The following RBFOX1 variants were observed in gnomAD, a reference collection of about 807,000 sequenced individuals.
RBFOX1 encodes RNA binding protein fox-1 homolog 1.
RBFOX1 carries 8 observed loss-of-function variants against 57.7 expected under a neutral mutation model. The ratio of observed to expected loss-of-function variants is 0.14; its 90% CI spans 0.08 to 0.25. The LOEUF (loss-of-function observed/expected upper bound fraction) is 0.25. RBFOX1 is among the 10% of genes least tolerant of loss of function. The pLI, the probability that RBFOX1 is intolerant of heterozygous loss-of-function variation, is 1.00. For missense variants in RBFOX1, 611 were observed against 548.5 expected (o/e 1.11, Z -1.14); for synonymous variants, 326 against 222.4 (o/e 1.47, Z -4.15).
chr16:5,860,473 AGTTT>A, intron 3 of RBFOX1, among the ~76,000 whole-genome samples: 1 of 152,322 alleles, frequency 6.6e-6, no homozygotes, highest in Non-Finnish European at 1.5e-5. Flanking sequence ...GAGTTGACTC[AGTTT>A]GTTTAAGAAC....
At chr16:7,166,972 C>CTTTTTTTTTTTGTTTTTTTTTTTTTTTTT (rs2079656368) in intron 4 of RBFOX1, among the ~76,000 whole-genome samples, 1 of 49,098 alleles carries the variant, frequency 2.0e-5, no homozygotes, top group Non-Finnish European at 3.4e-5. Flanking sequence ...CATTGGTGTT[C>CTTTTTTTTTTTGTTTTTTTTTTTTTTTTT]TTTTTTTTTT....
intron 4 of RBFOX1, among the ~76,000 whole-genome samples, chr16:5,968,215 T>G (rs894677429): frequency 6.6e-6 from 1 of 152,056 alleles, no homozygotes; most frequent in Admixed American, 6.5e-5. Context: ...GCTGGGATTA[T>G]GGGCATGTAC....
intron 4 of RBFOX1, among the ~76,000 whole-genome samples, chr16:7,325,250 G>A (rs2096596486): frequency 6.6e-6 from 1 of 152,194 alleles, no homozygotes; most frequent in African/African-American, 2.4e-5. Context: ...ACCACTCCAT[G>A]TGTTATGGCT....
intron 4 of RBFOX1, among the ~76,000 whole-genome samples, chr16:7,344,883 G>A (rs865883616): frequency 2.6e-5 from 4 of 152,178 alleles, no homozygotes; most frequent in African/African-American, 9.7e-5. Flanking sequence ...CCGTACAACC[G>A]ACTCTGAGCA....
At chr16:5,352,651 A>G (rs188071786) in intron 1 of RBFOX1, among the ~76,000 whole-genome samples, 16 of 152,322 alleles carry the variant, frequency 1.1e-4, no homozygotes, top group African/African-American at 3.8e-4. Flanking sequence ...AATGATAATA[A>G]AATACTCTTC....
intron 3 of RBFOX1, among the ~76,000 whole-genome samples, chr16:6,850,562 G>C (rs745537010): frequency 5.9e-5 from 9 of 152,294 alleles, no homozygotes; most frequent in African/African-American, 2.2e-4. Context: ...ACACAGCTAA[G>C]ATTATATCCC....
chr16:6,930,635 C>A (rs974175328), intron 3 of RBFOX1, among the ~76,000 whole-genome samples: 2 of 152,088 alleles, frequency 1.3e-5, no homozygotes, highest in African/African-American at 4.8e-5. Flanking sequence ...GTCTTGAGCT[C>A]CTCACCTTAG....
At chr16:5,594,581 C>G (rs1411262351) in intron 2 of RBFOX1, among the ~76,000 whole-genome samples, 1 of 152,138 alleles carries the variant, frequency 6.6e-6, no homozygotes, top group Non-Finnish European at 1.5e-5. Context: ...CAGGGAGACA[C>G]TGGGAGAGGA....
At chr16:6,645,989 T>G (rs970849097) in intron 2 of RBFOX1, among the ~76,000 whole-genome samples, 19 of 152,174 alleles carry the variant, frequency 1.2e-4, no homozygotes, top group African/African-American at 4.1e-4. Flanking sequence ...CGCCAGCAAG[T>G]GAGCCTCCGC....
chr16:5,591,286 T>C (rs1028666989), intron 2 of RBFOX1, among the ~76,000 whole-genome samples: 1 of 151,958 alleles, frequency 6.6e-6, no homozygotes, highest in Non-Finnish European at 1.5e-5. Context: ...AGTTTCTCTT[T>C]TGTTACCCAG....
At position 7,530,747 on chromosome 16, in the gene RBFOX1, T is replaced by C. The variant is rs188187248; in HGVS notation, c.270+12358T>C. 2.6e-5 allele frequency among the ~76,000 whole-genome samples: 4 copies of C among 152,334 alleles called. No individual in the cohort carries two copies. In the East Asian group the frequency reaches 7.7e-4, roughly 29 times the overall value. On this transcript the variant is annotated intron_variant, in intron 5 of 15. Transcript: ENST00000550418. ...ATGTAGAGCTAGGTCCAAGTGACTG[T>C]ACAATCTCTGCAGGAGTTCAGAAGC...
At chr16:6,852,348 C>G (rs1306918132) in intron 3 of RBFOX1, among the ~76,000 whole-genome samples, 3 of 152,048 alleles carry the variant, frequency 2.0e-5, no homozygotes, top group Admixed American at 1.3e-4. Flanking sequence ...TCTGGATAAT[C>G]CAGGTTGATC....
At chr16:6,304,549 G>T (rs968053987) in intron 1 of RBFOX1, among the ~76,000 whole-genome samples, 1 of 152,050 alleles carries the variant, frequency 6.6e-6, no homozygotes, top group East Asian at 1.9e-4. Context: ...GAGACGAATG[G>T]CTGGGAATGA....
At chr16:6,665,675 C>A (rs1231643034) in intron 3 of RBFOX1, among the ~76,000 whole-genome samples, 2 of 150,158 alleles carry the variant, frequency 1.3e-5, no homozygotes, top group African/African-American at 4.9e-5. Context: ...GAAACCTTGA[C>A]TGATATTTTT....
At position 5,362,804 on chromosome 16, in the gene RBFOX1, T is replaced by C. The variant is rs543698891; in HGVS notation, c.220-104412T>C. ...AGTGGAATCATATAGCATTTGTCTTTGTGTAACTGGCTTATTTTACTTAGC... is the reference window on the plus strand; with the variant it reads ...AGTGGAATCATATAGCATTTGTCTTCGTGTAACTGGCTTATTTTACTTAGC... On this transcript the variant is annotated intron_variant, in intron 1 of 2. Transcript: ENST00000585867. 9.1e-4 allele frequency among the ~76,000 whole-genome samples: 138 copies of C among 152,348 alleles called. 2 individuals are homozygous for C. In the South Asian group the frequency reaches 0.027, roughly 30 times the overall value.
intron 5 of RBFOX1, among the ~76,000 whole-genome samples, chr16:7,534,999 T>G (rs10459845): frequency 0.13 from 20,236 of 152,154 alleles, 1,593 homozygotes; most frequent in East Asian, 0.35. Context: ...ACAGCTCTGT[T>G]AACTCCCAAG....
At chr16:6,455,043 T>C (rs4366712) in intron 2 of RBFOX1, among the ~76,000 whole-genome samples, 119,653 of 147,454 alleles carry the variant, frequency 0.81, 48,716 homozygotes, top group Middle Eastern at 0.87. Flanking sequence ...CTACCATGCC[T>C]GGCTAATTTT....
intron 3 of RBFOX1, among the ~76,000 whole-genome samples, chr16:5,729,566 TGTTA>T (rs2052285706): frequency 6.6e-6 from 1 of 152,140 alleles, no homozygotes; most frequent in Non-Finnish European, 1.5e-5. Flanking sequence ...CAAGAAGCTA[TGTTA>T]ATTATATTTG....
chr16:7,256,583 T>TGC (rs1381844712), intron 4 of RBFOX1, among the ~76,000 whole-genome samples: 1 of 152,192 alleles, frequency 6.6e-6, no homozygotes, highest in Admixed American at 6.5e-5. Context: ...AAACTGTGTG[T>TGC]GCGTTGATGT....
Sources: allele counts gnomAD v4.1 joint callset (sites outside exome capture counted in the v4.1 genomes callset), GRCh38; gene constraint gnomAD v4.1.1; transcripts MANE v1.5; gene names NCBI Gene and HGNC (gene_info 2026-07-23, HGNC 2026-07-21).